DOCK7: variants seen among roughly 807,000 people sequenced by gnomAD.
The protein encoded by DOCK7 is dedicator of cytokinesis 7, also known as dedicator of cytokinesis protein 7.
In DOCK7, 138 loss-of-function variants were observed where a neutral mutation model predicts 271.0. That is an observed-to-expected ratio of 0.51 (90% CI 0.44 to 0.59). DOCK7 has a LOEUF of 0.59. Among genes scored for constraint, DOCK7 ranks in the 20% least tolerant of loss-of-function variants. The pLI, the probability that DOCK7 is intolerant of heterozygous loss-of-function variation, is 0.00. For missense variants in DOCK7, 2,066 were observed against 2,592.4 expected (o/e 0.80, Z 4.41); for synonymous variants, 823 against 876.1 (o/e 0.94, Z 1.07).
Position 62,529,370 on chromosome 1 carries a change from A to G in DOCK7, c.3688T>C (p.Ser1230Pro). 6.2e-7 allele frequency: 1 copy of G among 1,613,882 alleles called. No individual in the cohort carries two copies. The highest frequency in any genetic ancestry group is 8.5e-7 in the Non-Finnish European group (1 of 1,179,954). ...ACTCGAGCCTTTATCTGAGGGTCAG[A>G]GTACCGCGGGTCTGAGTCGTGACTG... ...LSSHDSDPRY[S>P]DPQIKARVAM... is the part of the protein sequence containing the mutation. The change falls in exon 30 of 50, where the codon TCT becomes CCT. Residue 1230 changes from serine (S) to proline (P), a missense_variant. Around this residue, in one of 2 missense-constraint regions of DOCK7, gnomAD observed 1,414 missense variants for 1,670.4 expected, o/e 0.85. Transcript: ENST00000635253.
rs1169936035 is a variant in DOCK7, at chr1:62,534,002, A to AG, written c.3611+1490dup. 1.4e-3 allele frequency among the ~76,000 whole-genome samples: 170 copies of AG among 125,446 alleles called. 1 individual carries two copies. In the South Asian group the frequency reaches 0.029, roughly 21 times the overall value. 82.3% of individuals were successfully genotyped at this position (125,446 alleles called of 152,430 possible). A position where few individuals can be genotyped will look rare whatever the true frequency, so the allele number is the denominator to read the frequency against. ...TGGGATGCTGGACCACAACACATCA[A>AG]GCTTTTTTTTTTTTGAGATGAAGTC... On this transcript the variant is annotated intron_variant, in intron 29 of 49. Coordinates refer to ENST00000635253, the MANE Select transcript of DOCK7 (RefSeq NM_001367561.1).
intron 14 of DOCK7, chr1:62,605,192 C>G (rs1650803599): frequency 5.0e-6 from 1 of 200,804 alleles, no homozygotes; most frequent in Non-Finnish European, 1.0e-5. Context: ...GTTTAAAAAA[C>G]TAGTACTCTT....
At chr1:62,457,309 C>T (rs1478110559) in intron 49 of DOCK7, among the ~76,000 whole-genome samples, 1 of 152,100 alleles carries the variant, frequency 6.6e-6, no homozygotes, top group Non-Finnish European at 1.5e-5. Context: ...ACTTTTTAAG[C>T]GCTGACATGA....
At chr1:62,607,293 CTCACTTCTTTATATCCATTAA>C (rs774318496) in intron 14 of DOCK7, among the ~76,000 whole-genome samples, 2 of 152,106 alleles carry the variant, frequency 1.3e-5, no homozygotes, top group East Asian at 3.9e-4. Flanking sequence ...CACCATCTTC[CTCACTTCTTTATATCCATTAA>C]TATGACCAGC....
At chr1:62,567,178 C>T (rs542168781) in intron 18 of DOCK7, among the ~76,000 whole-genome samples, 54 of 152,190 alleles carry the variant, frequency 3.5e-4, no homozygotes, top group African/African-American at 1.3e-3. Flanking sequence ...ACTATTTGAC[C>T]CTGCAATCCC....
intron 14 of DOCK7, chr1:62,604,235 G>A: frequency 1.2e-6 from 2 of 1,612,816 alleles, no homozygotes; most frequent in Non-Finnish European, 1.7e-6. Context: ...GGGTTATTCA[G>A]GTATCTTTTT....
chr1:62,538,158 T>G, intron 27 of DOCK7, 97 bp from the exon 28 acceptor site: 1 of 1,324,576 alleles, frequency 7.5e-7, no homozygotes, highest in Non-Finnish European at 1.0e-6. Flanking sequence ...GAGATAGTAC[T>G]TGGTATCCAG....
intron 2 of DOCK7, among the ~76,000 whole-genome samples, chr1:62,660,816 A>G (rs1658571803): frequency 6.6e-6 from 1 of 151,232 alleles, no homozygotes; most frequent in Admixed American, 6.6e-5. Flanking sequence ...AAAATGAATT[A>G]AATCAGCCAC....
intron 2 of DOCK7, 43 bp downstream of exon 2, chr1:62,662,982 A>G: frequency 6.7e-7 from 1 of 1,499,646 alleles, no homozygotes; most frequent in Non-Finnish European, 9.2e-7. Context: ...GGCCTAGTCA[A>G]TCATACACCA....
At chr1:62,582,683 A>T (rs1647175825) in intron 16 of DOCK7, among the ~76,000 whole-genome samples, 1 of 151,806 alleles carries the variant, frequency 6.6e-6, no homozygotes, top group African/African-American at 2.4e-5. Context: ...CCTGATTAGT[A>T]CAATTTTGTG....
intron 31 of DOCK7, among the ~76,000 whole-genome samples, chr1:62,521,572 T>C (rs931420781): frequency 6.6e-6 from 1 of 152,168 alleles, no homozygotes; most frequent in African/African-American, 2.4e-5. Context: ...AAAGTTTACA[T>C]CTACTACAGA....
chr1:62,631,529 C>T (rs568015387), intron 10 of DOCK7, 124 bp from the exon 11 acceptor site: 22 of 793,862 alleles, frequency 2.8e-5, no homozygotes, highest in Non-Finnish European at 3.7e-5. Flanking sequence ...AGAAAAAAAT[C>T]TGTACCTTAC....
At chr1:62,470,743 G>A (rs1484523417) in intron 48 of DOCK7, among the ~76,000 whole-genome samples, 3 of 152,134 alleles carry the variant, frequency 2.0e-5, no homozygotes, top group Non-Finnish European at 4.4e-5. Flanking sequence ...GCAGTGAGCT[G>A]AGATTGTGTC....
chr1:62,503,762 T>G (rs1646855431), intron 37 of DOCK7, among the ~76,000 whole-genome samples: 1 of 151,936 alleles, frequency 6.6e-6, no homozygotes, highest in African/African-American at 2.4e-5. Context: ...ACAAAAAGGC[T>G]AGCAGCCAGG....
intron 2 of DOCK7, among the ~76,000 whole-genome samples, chr1:62,656,484 G>T (rs1658028414): frequency 6.6e-6 from 1 of 152,046 alleles, no homozygotes; most frequent in Admixed American, 6.5e-5. Flanking sequence ...AAATAAATGG[G>T]AAAAAATAAA....
chr1:62,682,385 C>T (rs981858616), intron 1 of DOCK7, among the ~76,000 whole-genome samples: 16 of 152,144 alleles, frequency 1.1e-4, no homozygotes, highest in African/African-American at 3.1e-4. Flanking sequence ...GGATGTCCAA[C>T]GCAGCTTGGT....
chr1:62,579,361 A>G (rs1407671625), intron 16 of DOCK7, among the ~76,000 whole-genome samples: 1 of 152,200 alleles, frequency 6.6e-6, no homozygotes, highest in Admixed American at 6.5e-5. Context: ...GAATGCTTTC[A>G]TATTAAAACT....
Position 62,457,594 on chromosome 1 carries a change from C to A in DOCK7, c.6324G>T (p.Leu2108=). ...YHRLKEALQP[L]INRKIPQLYK... is the part of the protein sequence containing the mutation. ...ATAACTGAGGGATCTTTCTGTTGAT[C>A]AGTGGCTGTAGGGCCTCTTTAAGGC... is the stretch of plus-strand genomic sequence containing the variant. Residue 2108 remains leucine, a synonymous_variant, in exon 49 of 50, where the codon CTG becomes CTT. Coordinates refer to ENST00000635253, the MANE Select transcript of DOCK7 (RefSeq NM_001367561.1). The A allele has an allele frequency of 6.2e-7, 1 of 1,614,188 alleles. No homozygotes were observed. The highest frequency in any genetic ancestry group is 1.1e-5 in the South Asian group (1 of 91,078).
intron 22 of DOCK7, among the ~76,000 whole-genome samples, chr1:62,546,386 T>C (rs970566074): frequency 3.9e-5 from 6 of 152,106 alleles, no homozygotes; most frequent in Non-Finnish European, 5.9e-5. Context: ...TATAGAGAAA[T>C]TGAAATGGTG....
Sources: gnomAD v4.1 joint callset for allele counts (sites outside exome capture counted in the v4.1 genomes callset) on GRCh38, gnomAD v4.1.1 for gene constraint, gnomAD v4.1.1 regional missense constraint, MANE v1.5 for transcripts, NCBI Gene and HGNC (gene_info 2026-07-23, HGNC 2026-07-21) for gene names.